The following VEPH1 variants were observed in gnomAD, a reference collection of about 807,000 sequenced individuals.
VEPH1 encodes the protein ventricular zone-expressed PH domain-containing protein homolog 1.
In VEPH1, 80 loss-of-function variants were observed where a neutral mutation model predicts 85.2. That is an observed-to-expected ratio of 0.94 (90% CI 0.78 to 1.13). The LOEUF (loss-of-function observed/expected upper bound fraction) is 1.13, where lower values mean the gene tolerates loss of function less well. Among genes scored for constraint, VEPH1 ranks in the 50% most tolerant of loss-of-function variants. VEPH1 has a pLI of 0.00. For missense variants in VEPH1, 955 were observed against 980.5 expected (o/e 0.97, Z 0.35); for synonymous variants, 297 against 348.0 (o/e 0.85, Z 1.63).
intron 9 of VEPH1, among the ~76,000 whole-genome samples, chr3:157,331,990 TCA>T (rs1482544408): frequency 6.6e-6 from 1 of 152,232 alleles, no homozygotes; most frequent in Admixed American, 6.5e-5. Flanking sequence ...TTTCTATATT[TCA>T]GTTTCCACTT....
chr3:157,381,448 TAATCCCAGC>T, intron 6 of VEPH1, 72 bp from the exon 7 acceptor site: 1 of 1,483,856 alleles, frequency 6.7e-7, no homozygotes, highest in Non-Finnish European at 9.3e-7. Context: ...GTCATGCCTG[TAATCCCAGC>T]ACTTTGGGAG....
At chr3:157,267,102 C>CTTTTTTTTTTTTTTTTTTTTTTTTT (rs10537483) in intron 12 of VEPH1, among the ~76,000 whole-genome samples, 4 of 124,672 alleles carry the variant, frequency 3.2e-5, no homozygotes, top group East Asian at 2.3e-4. Context: ...TCTTTTTTTT[C>CTTTTTTTTTTTTTTTTTTTTTTTTT]TTTTTTTTTT....
chr3:157,436,277 CA>C (rs11452239), intron 4 of VEPH1, among the ~76,000 whole-genome samples: 22 of 147,618 alleles, frequency 1.5e-4, no homozygotes, highest in African/African-American at 2.3e-4. Context: ...AATTCAGTCT[CA>C]AAAAAAAAAA....
intron 4 of VEPH1, among the ~76,000 whole-genome samples, chr3:157,444,617 A>G (rs1734403181): frequency 6.6e-6 from 1 of 152,196 alleles, no homozygotes; most frequent in Non-Finnish European, 1.5e-5. Context: ...CCCAGCTGGA[A>G]GAAGGAAAAC....
intron 11 of VEPH1, among the ~76,000 whole-genome samples, chr3:157,306,739 T>C (rs112915077): frequency 6.6e-6 from 1 of 152,090 alleles, no homozygotes. Flanking sequence ...GATTGCTCTT[T>C]AAGAAGTCTG....
intron 11 of VEPH1, among the ~76,000 whole-genome samples, chr3:157,312,899 CA>C (rs1490354352): frequency 1.2e-4 from 10 of 82,086 alleles, no homozygotes; most frequent in Admixed American, 2.4e-4. Flanking sequence ...TAAAAAAAAA[CA>C]TTTTTTTTTT....
At chr3:157,489,267 C>T (rs1738988818) in intron 2 of VEPH1, 1 of 449,032 alleles carries the variant, frequency 2.2e-6, no homozygotes, top group Non-Finnish European at 4.5e-6. Flanking sequence ...CTCTCCTAAC[C>T]TCATCTCCCT....
intron 6 of VEPH1, among the ~76,000 whole-genome samples, chr3:157,395,022 T>C (rs1279779305): frequency 6.6e-6 from 1 of 152,152 alleles, no homozygotes; most frequent in Non-Finnish European, 1.5e-5. Flanking sequence ...AGCCATTCTA[T>C]TGTTCTCTCA....
At chr3:157,406,140 A>G in intron 6 of VEPH1, among the ~76,000 whole-genome samples, 1 of 152,164 alleles carries the variant, frequency 6.6e-6, no homozygotes, top group East Asian at 1.9e-4. Flanking sequence ...TCCTTCCCCA[A>G]TTCATGACAG....
chr3:157,493,247 G>A, intron 2 of VEPH1: 1 of 456,324 alleles, frequency 2.2e-6, no homozygotes, highest in Non-Finnish European at 4.4e-6. Flanking sequence ...CTTCTGTGCT[G>A]GAAGTTGGAA....
Position 157,413,798 on chromosome 3 carries a change from G to A in VEPH1, c.906+83C>T, listed in dbSNP as rs114075913. On this transcript the variant is annotated intron_variant, in intron 6 of 13. Transcript: ENST00000362010. ...CAGAAATTCCAGGACAAATTTGCAC[G>A]TCATAATAATCCAACCTATTAAATA... 2.2e-3 allele frequency: 3,196 copies of A among 1,465,754 alleles called. 69 individuals carry two copies. The African/African-American group carries it at 0.04, about 18-fold the overall frequency. 90.8% of individuals were successfully genotyped at this position (1,465,754 alleles called of 1,614,324 possible). A position where few individuals can be genotyped will look rare whatever the true frequency, so the allele number is the denominator to read the frequency against.
intron 11 of VEPH1, among the ~76,000 whole-genome samples, chr3:157,294,641 G>A (rs1717909417): frequency 6.6e-6 from 1 of 152,184 alleles, no homozygotes; most frequent in Admixed American, 6.5e-5. Flanking sequence ...GTTCCCTTGT[G>A]GATGTGAGCA....
At chr3:157,489,654 T>C (rs1739031586) in intron 2 of VEPH1, among the ~76,000 whole-genome samples, 1 of 152,230 alleles carries the variant, frequency 6.6e-6, no homozygotes, top group East Asian at 1.9e-4. Context: ...ACTACATATC[T>C]TCCTTATTTA....
intron 11 of VEPH1, among the ~76,000 whole-genome samples, chr3:157,299,255 T>G (rs1290859301): frequency 1.3e-5 from 2 of 151,788 alleles, no homozygotes; most frequent in Non-Finnish European, 2.9e-5. Context: ...AAAATAAAAA[T>G]CATTCTCAAA....
rs1388895151 is a variant in VEPH1, at chr3:157,292,998, A to G, written c.2011-6324T>C. ...AACTCCACCTCAAAAAAAAAAAAAA[A>G]AGAAAAAAGAAAAAAGTTTCATTTC... is the stretch of plus-strand genomic sequence containing the variant. On this transcript the variant is annotated intron_variant, in intron 11 of 13. Transcript: ENST00000362010. Among the ~76,000 whole-genome samples, 5 of 151,766 alleles carry G rather than the reference A, an allele frequency of 3.3e-5. No individual in the cohort carries two copies. In the East Asian group the frequency reaches 5.8e-4, roughly 18 times the overall value.
At position 157,304,038 on chromosome 3, in the gene VEPH1, T is replaced by TATATATATATATATATACACACAC; in HGVS notation, c.2010+9582_2010+9583insGTGTGTGTATATATATATATATAT. On this transcript the variant is annotated intron_variant, in intron 11 of 13. Transcript: ENST00000362010. The stretch of plus-strand genomic sequence containing the variant: ...CTTATATTTTTTATATATATATATA[T>TATATATATATATATATACACACAC]ACACACATACTGTTACATCTTATAT... 2.8e-3 allele frequency among the ~76,000 whole-genome samples: 274 copies of TATATATATATATATATACACACAC among 96,906 alleles called. 5 individuals carry two copies. The highest frequency in any genetic ancestry group is 8.0e-3 in the African/African-American group (263 of 32,698). The allele number at this position is 96,906 out of a possible 152,430, so 63.6% of individuals were successfully genotyped here. A position where few individuals can be genotyped will look rare whatever the true frequency, so the allele number is the denominator to read the frequency against.
At position 157,260,880 on chromosome 3, in the gene VEPH1, A is replaced by T. The variant is rs1359500803; in HGVS notation, c.*254T>A. The T allele has an allele frequency of 2.7e-5, 12 of 439,714 alleles. No homozygotes were observed. Among genetic ancestry groups the T allele is most frequent in the Admixed American group, 4.4e-5 (1 of 22,484 alleles). The allele number at this position is 439,714 out of a possible 1,614,324, so 27.2% of individuals were successfully genotyped here. ...TCCTGGCCCCACACTATCTGAGGGC[A>T]TACTCTGTAGCTCCTTTTATTTTAT... On this transcript the variant is annotated 3_prime_UTR_variant, in exon 14 of 14. Transcript: ENST00000362010.
chr3:157,276,548 A>G (rs1715423091), intron 12 of VEPH1, among the ~76,000 whole-genome samples: 1 of 152,238 alleles, frequency 6.6e-6, no homozygotes, highest in African/African-American at 2.4e-5. Context: ...GATATACGAA[A>G]GAGTAAAACT....
chr3:157,314,910 T>G (rs543829770), intron 10 of VEPH1, among the ~76,000 whole-genome samples: 64 of 152,250 alleles, frequency 4.2e-4, no homozygotes, highest in Non-Finnish European at 9.0e-4. Flanking sequence ...TACTAATCAA[T>G]GATGTGTCTA....
Sources: gnomAD v4.1 joint callset for allele counts (sites outside exome capture counted in the v4.1 genomes callset) on GRCh38, gnomAD v4.1.1 for gene constraint, MANE v1.5 for transcripts, NCBI Gene and HGNC (gene_info 2026-07-23, HGNC 2026-07-21) for gene names.